CREBZF: variants seen among roughly 807,000 people sequenced by gnomAD.
CREBZF encodes the protein HCF-binding transcription factor Zhangfei.
CREBZF carries 8 observed loss-of-function variants against 21.1 expected under a neutral mutation model. That is an observed-to-expected ratio of 0.38 (90% confidence interval 0.22 to 0.68). CREBZF has a LOEUF of 0.68. Among genes scored for constraint, CREBZF ranks in the 30% least tolerant of loss-of-function variants. The pLI is 0.51. For synonymous variants in CREBZF, 270 were observed against 223.3 expected (o/e 1.21, Z -1.86); for missense variants, 518 against 484.3 (o/e 1.07, Z -0.65).
At chr11:85,672,829 T>C (rs112693660) in intron 1 of CREBZF, among the ~76,000 whole-genome samples, 1 of 152,236 alleles carries the variant, frequency 6.6e-6, no homozygotes, top group Admixed American at 6.5e-5. Context: ...TTTGGTCACA[T>C]GAGTCAGACC....
rs548027835 is a variant in CREBZF at position 85,661,315 on chromosome 11, C to A, written c.*2496G>T. The A allele has an allele frequency of 6.6e-6, 1 of 151,144 alleles. No individual in the cohort carries two copies. The highest frequency in any genetic ancestry group is 6.6e-5 in the Admixed American group (1 of 15,158). 9.4% of individuals were successfully genotyped at this position (151,144 alleles called of 1,614,324 possible). A position where few individuals can be genotyped will look rare whatever the true frequency, so the allele number is the denominator to read the frequency against. The stretch of plus-strand genomic sequence containing the variant: ...GTAAAAAATGACAAAATCACTAAGT[C>A]ACCAAAACTAGAAAAAAAAAAATGA... On this transcript the variant is annotated 3_prime_UTR_variant, in exon 1 of 1. Transcript: ENST00000527447.
chr11:85,673,299 G>A (rs1047586059), intron 1 of CREBZF, among the ~76,000 whole-genome samples: 1 of 152,174 alleles, frequency 6.6e-6, no homozygotes, highest in Non-Finnish European at 1.5e-5. Flanking sequence ...ATAGTAGAAT[G>A]ATAAATGTAC....
chr11:85,665,474 A>G (rs2082847175), upstream of CREBZF, among the ~76,000 whole-genome samples: 1 of 150,276 alleles, frequency 6.7e-6, no homozygotes, highest in Non-Finnish European at 1.5e-5. Context: ...TTTCATAATC[A>G]TAATACTATT....
In CREBZF at chr11:85,658,813, A is replaced by G. The variant is rs80190561; in HGVS notation, c.*4998T>C. ...CAGACGCTAAAGGAAGTTGAGATAA[A>G]TAAAATTCAAATCAGTGTATTAACA... On this transcript the variant is annotated 3_prime_UTR_variant, in exon 1 of 1. Coordinates refer to ENST00000527447, the MANE Select transcript of CREBZF (RefSeq NM_001039618.4). Among the ~76,000 whole-genome samples, 1,154 of 152,228 alleles carry G rather than the reference A, an allele frequency of 7.6e-3. 11 individuals are homozygous for G. Among genetic ancestry groups the G allele is most frequent in the Admixed American group, 0.012 (180 of 15,286 alleles).
Position 85,660,201 on chromosome 11 carries a change from T to C in CREBZF, c.*3610A>G, listed in dbSNP as rs753851969. The C allele has an allele frequency of 6.8e-5, 11 of 162,536 alleles. No individual in the cohort carries two copies. The highest frequency in any genetic ancestry group is 1.1e-4 in the Non-Finnish European group (8 of 74,594). The allele number at this position is 162,536 out of a possible 1,614,324, so 10.1% of individuals were successfully genotyped here. ...GCCTGCTTATGTAATTCTAGTCCAC[T>C]AAATGTTAATTCCATAGAATATGCT... On this transcript the variant is annotated 3_prime_UTR_variant, in exon 1 of 1. Coordinates refer to ENST00000527447, the MANE Select transcript of CREBZF (RefSeq NM_001039618.4).
rs576535325 is a variant in CREBZF at position 85,662,734 on chromosome 11, T to C, written c.*1077A>G. On this transcript the variant is annotated 3_prime_UTR_variant, in exon 1 of 1. Transcript: ENST00000527447. The stretch of plus-strand genomic sequence containing the variant: ...TAAGATTCTTTGTGAAGCCTCACTT[T>C]ACACGTTTTCATTCACATTTCACAA... 1 of 300,008 alleles carries C rather than the reference T, an allele frequency of 3.3e-6. No individual in the cohort carries two copies. Among genetic ancestry groups the C allele is most frequent in the South Asian group, 1.3e-4 (1 of 7,622 alleles). The allele number at this position is 300,008 out of a possible 1,614,324, so 18.6% of individuals were successfully genotyped here. A position where few individuals can be genotyped will look rare whatever the true frequency, so the allele number is the denominator to read the frequency against.
rs1343278695 is a variant in CREBZF, at chr11:85,661,758, T to G, written c.*2053A>C. 1 of 152,484 alleles carries G rather than the reference T, an allele frequency of 6.6e-6. No individual in the cohort carries two copies. Among genetic ancestry groups the G allele is most frequent in the African/African-American group, 2.4e-5 (1 of 41,420 alleles). 9.4% of individuals were successfully genotyped at this position (152,484 alleles called of 1,614,324 possible). A position where few individuals can be genotyped will look rare whatever the true frequency, so the allele number is the denominator to read the frequency against. On this transcript the variant is annotated 3_prime_UTR_variant, in exon 1 of 1. Coordinates refer to ENST00000527447, the MANE Select transcript of CREBZF (RefSeq NM_001039618.4). ...ATTCTTTGAGCCCATAACTAAAAGA[T>G]CAACAAACCTGGTTTTATTATGACA...
chr11:85,663,676 A>C lies in CREBZF; in HGVS notation c.*135T>G. ...GTGTCACATTCATGCTTTTAGCTAA[A>C]CACTTTAAGATTCAATATTACTTTT... On this transcript the variant is annotated 3_prime_UTR_variant, in exon 1 of 1. Transcript: ENST00000527447. The C allele has an allele frequency of 6.2e-7, 1 of 1,610,728 alleles. No individual in the cohort carries two copies. Among genetic ancestry groups the C allele is most frequent in the Non-Finnish European group, 8.5e-7 (1 of 1,178,520 alleles).
rs2082732820 is a variant in CREBZF at position 85,663,070 on chromosome 11, C to T, written c.*741G>A. ...CTGTCACCTCCAGCAAAATAACTAT[C>T]ACATTTGTGCATGCCCCAAATACTT... On this transcript the variant is annotated 3_prime_UTR_variant, in exon 1 of 1. Coordinates refer to ENST00000527447, the MANE Select transcript of CREBZF (RefSeq NM_001039618.4). The T allele has an allele frequency of 6.0e-6, 1 of 167,596 alleles. No homozygotes were observed. Among genetic ancestry groups the T allele is most frequent in the Non-Finnish European group, 1.3e-5 (1 of 76,712 alleles). 10.4% of individuals were successfully genotyped at this position (167,596 alleles called of 1,614,324 possible).
In CREBZF at chr11:85,663,517, T is replaced by A. The variant is rs762602392; in HGVS notation, c.*294A>T. ...CATGAGCGTTACGGGAAGAGATGGA[T>A]CCTTACCAGGTTGTGAGGCGGGAAC... On this transcript the variant is annotated 3_prime_UTR_variant, in exon 1 of 1. Coordinates refer to ENST00000527447, the MANE Select transcript of CREBZF (RefSeq NM_001039618.4). The A allele has an allele frequency of 1.0e-6, 1 of 1,000,378 alleles. No individual in the cohort carries two copies. Among genetic ancestry groups the A allele is most frequent in the Non-Finnish European group, 1.6e-6 (1 of 644,766 alleles). The allele number at this position is 1,000,378 out of a possible 1,614,324, so 62.0% of individuals were successfully genotyped here. A position where few individuals can be genotyped will look rare whatever the true frequency, so the allele number is the denominator to read the frequency against.
intron 1 of CREBZF, among the ~76,000 whole-genome samples, chr11:85,674,152 TTGC>T (rs2082929142): frequency 6.6e-6 from 1 of 152,234 alleles, no homozygotes; most frequent in Non-Finnish European, 1.5e-5. Flanking sequence ...TCAATTTATT[TTGC>T]TTAGATAGAT....
chr11:85,668,728 C>T (rs535948933), upstream of CREBZF, among the ~76,000 whole-genome samples: 1 of 151,916 alleles, frequency 6.6e-6, no homozygotes, highest in Non-Finnish European at 1.5e-5. Flanking sequence ...TGCGGCCGGG[C>T]GCGGTGGCTC....
chr11:85,664,591 C>T lies in CREBZF; in HGVS notation c.285G>A (p.Glu95=), dbSNP rs371787158. Residue 95 remains glutamate (E), a synonymous_variant, in exon 1 of 1, where the codon GAG becomes GAA. Coordinates refer to ENST00000527447, the MANE Select transcript of CREBZF (RefSeq NM_001039618.4). The surrounding 1 kb of genome is among the most constrained non-coding windows in gnomAD (Gnocchi z 5.5). ...EEAIASLPGE[E]TEDMDFLSGL... is the part of the protein sequence containing the mutation. ...CAGACAGAAAGTCCATATCCTCCGT[C>T]TCTTCCCCCGGGAGGCTGGCGATCG... is the stretch of plus-strand genomic sequence containing the variant. The T allele has an allele frequency of 6.2e-6, 10 of 1,613,780 alleles. No individual in the cohort carries two copies. Among genetic ancestry groups the T allele is most frequent in the Non-Finnish European group, 7.6e-6 (9 of 1,179,970 alleles).
chr11:85,667,403 T>G (rs1170350631), upstream of CREBZF, among the ~76,000 whole-genome samples: 1 of 152,250 alleles, frequency 6.6e-6, no homozygotes, highest in Admixed American at 6.5e-5. Flanking sequence ...ATTGGAAGGT[T>G]GAATGTTTGT....
chr11:85,662,848 G>A lies in CREBZF; in HGVS notation c.*963C>T, dbSNP rs147781368. ...ATGTTCAACAATTTATTCAATCTCAGTGATAGGGTAATCACTGCTGGTCCT... is the reference window on the plus strand; with the variant it reads ...ATGTTCAACAATTTATTCAATCTCAATGATAGGGTAATCACTGCTGGTCCT... On this transcript the variant is annotated 3_prime_UTR_variant, in exon 1 of 1. Transcript: ENST00000527447. 5.4e-3 allele frequency: 868 copies of A among 161,564 alleles called. 8 individuals carry two copies. The highest frequency in any genetic ancestry group is 0.02 in the African/African-American group (817 of 41,718). 10.0% of individuals were successfully genotyped at this position (161,564 alleles called of 1,614,324 possible). A position where few individuals can be genotyped will look rare whatever the true frequency, so the allele number is the denominator to read the frequency against.
chr11:85,664,831 G>A lies in CREBZF; in HGVS notation c.45C>T (p.Asn15=). The change falls in exon 1 of 1, where the codon AAC becomes AAT. Residue 15 remains asparagine, a synonymous_variant. Transcript: ENST00000527447. This position sits in a 1 kb window ranked among gnomAD's most constrained non-coding sequence, Gnocchi z 5.5. The stretch of plus-strand genomic sequence containing the variant: ...CCGGGCTCTCACTGCGGGTTGGGGA[G>A]TTGCTGCCCGAGGCTGCCAGCAGCT... The part of the protein sequence containing the change: ...LTKLLAASGS[N]SPTRSESPEP... 6.5e-7 allele frequency: 1 copy of A among 1,538,382 alleles called. No individual in the cohort carries two copies. The highest frequency in any genetic ancestry group is 8.7e-7 in the Non-Finnish European group (1 of 1,148,302).
In CREBZF at chr11:85,662,197, C is replaced by G. The variant is rs1490012299; in HGVS notation, c.*1614G>C. On this transcript the variant is annotated 3_prime_UTR_variant, in exon 1 of 1. Transcript: ENST00000527447. ...TCAGGTCTCAAATCGTATTATCTAG[C>G]AACAAAACATTTACAGTTGTGCAAG... 1 of 556,496 alleles carries G rather than the reference C, an allele frequency of 1.8e-6. No individual in the cohort carries two copies. The highest frequency in any genetic ancestry group is 3.3e-6 in the Non-Finnish European group (1 of 301,044). The allele number at this position is 556,496 out of a possible 1,614,324, so 34.5% of individuals were successfully genotyped here. A position where few individuals can be genotyped will look rare whatever the true frequency, so the allele number is the denominator to read the frequency against.
At chr11:85,670,716 A>G (rs1236951118) in intron 1 of CREBZF, among the ~76,000 whole-genome samples, 1 of 152,216 alleles carries the variant, frequency 6.6e-6, no homozygotes, top group Non-Finnish European at 1.5e-5. Context: ...TGTAGTGTCA[A>G]TATCTCGATA....
Position 85,670,523 on chromosome 11 carries a change from C to T in CREBZF, n.148-6922G>A, listed in dbSNP as rs751556576. 1.1e-4 allele frequency among the ~76,000 whole-genome samples: 17 copies of T among 151,848 alleles called. 1 individual carries two copies. Among genetic ancestry groups the T allele is most frequent in the South Asian group, 6.2e-4 (3 of 4,810 alleles). ...TTCACCATGTTAGCCAGGATGGTCT[C>T]GATCTCCTGACCTCGTGATCCACCC... On this transcript the variant is annotated intron_variant and non_coding_transcript_variant, in intron 1 of 3. Transcript: ENST00000531515.
Sources: allele counts gnomAD v4.1 joint callset (sites outside exome capture counted in the v4.1 genomes callset), GRCh38; gene constraint gnomAD v4.1.1; non-coding constraint Gnocchi (gnomAD v3.1); transcripts MANE v1.5; gene names NCBI Gene and HGNC (gene_info 2026-07-23, HGNC 2026-07-21).